GLMN: variants seen among roughly 807,000 people sequenced by gnomAD.
The protein encoded by GLMN is glomulin, FKBP associated protein, also known as glomulin.
In GLMN, 75 loss-of-function variants were observed where a neutral mutation model predicts 87.8. The observed-to-expected ratio is 0.85, with a 90% CI of 0.71 to 1.04. The LOEUF (loss-of-function observed/expected upper bound fraction) is 1.04, where lower values mean the gene tolerates loss of function less well. GLMN is among the 50% of genes least tolerant of loss of function. The pLI is 0.00. For synonymous variants in GLMN, 206 were observed against 221.6 expected (o/e 0.93, Z 0.63); for missense variants, 588 against 658.8 (o/e 0.89, Z 1.18).
At chr1:92,299,119 G>C, upstream of GLMN, 1 of 1,521,978 alleles carries the variant, frequency 6.6e-7, no homozygotes, top group Admixed American at 2.1e-5. Flanking sequence ...CAAGGCCGGG[G>C]CTCCCCGCTG....
At chr1:92,323,773 G>A in the GLMN span, 68 of 1,613,990 alleles carry the variant, frequency 4.2e-5, 1 homozygote, top group South Asian at 3.6e-4. Flanking sequence ...TCAGGAGAAA[G>A]ATGCTACATG....
chr1:92,367,959 C>G, the GLMN span, among the ~76,000 whole-genome samples: 1 of 152,208 alleles, frequency 6.6e-6, no homozygotes, highest in African/African-American at 2.4e-5. Context: ...TTGCAGCTAT[C>G]TGTGCTATAT....
chr1:92,338,087 TA>T, the GLMN span, among the ~76,000 whole-genome samples: 6 of 152,198 alleles, frequency 3.9e-5, no homozygotes. Flanking sequence ...CAGGCATCAT[TA>T]ATTATTGTGG....
chr1:92,252,802 A>G (rs1187811881), intron 16 of GLMN, among the ~76,000 whole-genome samples: 1 of 152,222 alleles, frequency 6.6e-6, no homozygotes, highest in Non-Finnish European at 1.5e-5. Flanking sequence ...TAAAATAGTT[A>G]TAATTAAAAA....
chr1:92,290,901 C>T (rs1049671312), intron 4 of GLMN, among the ~76,000 whole-genome samples: 1 of 152,168 alleles, frequency 6.6e-6, no homozygotes, highest in Non-Finnish European at 1.5e-5. Flanking sequence ...ACTCTACTAG[C>T]CTTTTACCCA....
At chr1:92,285,052 G>A (rs1264964350) in intron 7 of GLMN, among the ~76,000 whole-genome samples, 18 of 152,152 alleles carry the variant, frequency 1.2e-4, no homozygotes, top group Non-Finnish European at 2.2e-4. Context: ...GGAAGACAGT[G>A]TGGCGATTCC....
At chr1:92,369,323 G>A in the GLMN span, among the ~76,000 whole-genome samples, 1 of 152,170 alleles carries the variant, frequency 6.6e-6, no homozygotes, top group Non-Finnish European at 1.5e-5. Flanking sequence ...GGTCTGTCTC[G>A]CTGTTTCATC....
the GLMN span, among the ~76,000 whole-genome samples, chr1:92,357,842 A>G: frequency 6.6e-6 from 1 of 152,314 alleles, no homozygotes; most frequent in African/African-American, 2.4e-5. Flanking sequence ...CCTGAGATAA[A>G]TTCTTTAATG....
At chr1:92,324,086 A>G in the GLMN span, 3 of 1,614,154 alleles carry the variant, frequency 1.9e-6, no homozygotes, top group Admixed American at 1.7e-5. Context: ...TTGTATGGCC[A>G]GAATTATGCT....
chr1:92,302,945 T>G (rs1650969711), upstream of GLMN, among the ~76,000 whole-genome samples: 1 of 151,330 alleles, frequency 6.6e-6, no homozygotes, highest in Non-Finnish European at 1.5e-5. Context: ...ATACCTGTAA[T>G]CCCAGCACTT....
chr1:92,306,189 CAG>C, the GLMN span, among the ~76,000 whole-genome samples: 3 of 152,002 alleles, frequency 2.0e-5, no homozygotes, highest in Non-Finnish European at 4.4e-5. Flanking sequence ...TTAACAGAGA[CAG>C]AAAGTAGAAT....
rs1044501463 is a variant in GLMN at position 92,248,127 on chromosome 1, T to G, written c.1474-138A>C. The G allele has an allele frequency of 6.4e-6, 4 of 624,306 alleles. No homozygotes were observed. In the African/African-American group the frequency reaches 7.4e-5, roughly 12 times the overall value. The allele number at this position is 624,306 out of a possible 1,614,324, so 38.7% of individuals were successfully genotyped here. A position where few individuals can be genotyped will look rare whatever the true frequency, so the allele number is the denominator to read the frequency against. On this transcript the variant is annotated intron_variant, in intron 16 of 18. Transcript: ENST00000370360. ...ACAATGGACTTCACTATTTAATAAT[T>G]ATTACTATAGCTAGTTATGTGAATA...
At chr1:92,361,808 T>C in the GLMN span, among the ~76,000 whole-genome samples, 202 of 152,196 alleles carry the variant, frequency 1.3e-3, no homozygotes, top group Non-Finnish European at 2.3e-3. Flanking sequence ...GATTCAAAAC[T>C]TTATTCCAAA....
the GLMN span, among the ~76,000 whole-genome samples, chr1:92,346,790 T>G: frequency 6.6e-6 from 1 of 152,174 alleles, no homozygotes; most frequent in Non-Finnish European, 1.5e-5. Flanking sequence ...ATCAATAGGG[T>G]TAAAACTATT....
chr1:92,260,765 G>GAAA (rs765865353), intron 16 of GLMN, among the ~76,000 whole-genome samples: 1,169 of 99,840 alleles, frequency 0.012, 24 homozygotes, highest in Non-Finnish European at 0.016. Flanking sequence ...CTTTGAGATG[G>GAAA]AAAAAAAAAA....
rs552275675 is a variant in GLMN, at chr1:92,251,317, A to T, written c.1474-3328T>A. The stretch of plus-strand genomic sequence containing the variant: ...AGAGTCCAAAAATAGACCCATACTT[A>T]TAAAATGATTTTTGATAAAGTTGCC... On this transcript the variant is annotated intron_variant, in intron 16 of 18. Transcript: ENST00000370360. Among the ~76,000 whole-genome samples the T allele has an allele frequency of 2.0e-5, 3 of 152,322 alleles. No individual in the cohort carries two copies. In the South Asian group the frequency reaches 6.2e-4, roughly 32 times the overall value.
chr1:92,305,631 T>C, the GLMN span, among the ~76,000 whole-genome samples: 1 of 151,670 alleles, frequency 6.6e-6, no homozygotes, highest in Non-Finnish European at 1.5e-5. Flanking sequence ...TAACTGACCA[T>C]AGAATCATAT....
chr1:92,347,048 A>G, the GLMN span, among the ~76,000 whole-genome samples: 4 of 152,184 alleles, frequency 2.6e-5, no homozygotes, highest in Admixed American at 6.5e-5. Flanking sequence ...GTCCCTAGGA[A>G]GGCTGTGCTG....
intron 7 of GLMN, among the ~76,000 whole-genome samples, chr1:92,279,870 G>A (rs1647782432): frequency 6.6e-6 from 1 of 152,126 alleles, no homozygotes; most frequent in South Asian, 2.1e-4. Flanking sequence ...AGCAGTCTGA[G>A]ATCGACCTGC....
Sources: gnomAD v4.1 joint callset for allele counts (sites outside exome capture counted in the v4.1 genomes callset) on GRCh38, gnomAD v4.1.1 for gene constraint, MANE v1.5 for transcripts, NCBI Gene and HGNC (gene_info 2026-07-23, HGNC 2026-07-21) for gene names.